RARB: variants seen among roughly 807,000 people sequenced by gnomAD.
The protein encoded by RARB is HBV-activated protein.
RARB carries 17 observed loss-of-function variants against 51.9 expected under a neutral mutation model. The observed-to-expected ratio is 0.33, with a 90% CI of 0.22 to 0.49. The LOEUF is 0.49. RARB is among the 20% of genes least tolerant of loss of function. The pLI is 0.99. For synonymous variants in RARB, 215 were observed against 195.4 expected, an observed-to-expected ratio of 1.10 and a Z score of -0.84; for missense variants, 369 against 550.8, an observed-to-expected ratio of 0.67 and a Z score of 3.30.
chr3:25,385,633 A>G (rs1177711387), intron 5 of RARB, among the ~76,000 whole-genome samples: 2 of 151,640 alleles, frequency 1.3e-5, no homozygotes, highest in Non-Finnish European at 2.9e-5. Flanking sequence ...ACCTCCTGCA[A>G]TTGCATTTAA....
intron 5 of RARB, among the ~76,000 whole-genome samples, chr3:25,328,617 A>G (rs760499405): frequency 4.6e-5 from 7 of 152,334 alleles, no homozygotes; most frequent in Non-Finnish European, 1.0e-4. Context: ...TGAGCGACAC[A>G]GAAGACAGGC....
intron 2 of RARB, among the ~76,000 whole-genome samples, chr3:25,470,128 C>G (rs973733170): frequency 2.0e-5 from 3 of 152,122 alleles, no homozygotes; most frequent in Admixed American, 6.5e-5. Context: ...ACAGCTGGGT[C>G]TCCATACCTG....
chr3:25,249,574 T>TA (rs1702653013), intron 5 of RARB, among the ~76,000 whole-genome samples: 1 of 152,140 alleles, frequency 6.6e-6, no homozygotes, highest in Admixed American at 6.5e-5. Flanking sequence ...CAATTTTTTT[T>TA]AATTTGCTTT....
intron 1 of RARB, among the ~76,000 whole-genome samples, chr3:25,457,384 T>C (rs757771753): frequency 2.0e-5 from 3 of 152,238 alleles, no homozygotes; most frequent in Non-Finnish European, 4.4e-5. Context: ...TCTGAGAATC[T>C]ATTGTACTCA....
intron 3 of RARB, among the ~76,000 whole-genome samples, chr3:25,109,634 C>G (rs902633198): frequency 1.3e-5 from 2 of 152,200 alleles, no homozygotes; most frequent in African/African-American, 4.8e-5. Context: ...CAACCACATT[C>G]ATCATTTCCA....
chr3:25,127,815 A>G (rs1587422), intron 3 of RARB, among the ~76,000 whole-genome samples: 79,014 of 151,938 alleles, frequency 0.52, 21,059 homozygotes, highest in East Asian at 0.7. Flanking sequence ...GAAATTATAT[A>G]TAGTTTAAAG....
chr3:25,577,395 A>C (rs988935914), intron 4 of RARB, among the ~76,000 whole-genome samples: 1 of 152,166 alleles, frequency 6.6e-6, no homozygotes, highest in Non-Finnish European at 1.5e-5. Context: ...TACATGCAAA[A>C]ACATACAAAA....
At chr3:24,912,415 G>A (rs1695008696) in intron 2 of RARB, among the ~76,000 whole-genome samples, 1 of 140,058 alleles carries the variant, frequency 7.1e-6, no homozygotes, top group South Asian at 2.2e-4. Context: ...CTGGTACACA[G>A]TAAAATCTCA....
intron 3 of RARB, among the ~76,000 whole-genome samples, chr3:25,549,122 T>C (rs1195712666): frequency 6.6e-6 from 1 of 152,064 alleles, no homozygotes; most frequent in Non-Finnish European, 1.5e-5. Context: ...TATCAAAACC[T>C]GGTGGCCTAA....
intron 3 of RARB, among the ~76,000 whole-genome samples, chr3:25,095,208 G>GT (rs1699272741): frequency 6.6e-6 from 1 of 152,130 alleles, no homozygotes; most frequent in Non-Finnish European, 1.5e-5. Flanking sequence ...GATTTACTTG[G>GT]TGTAGAATGA....
intron 4 of RARB, among the ~76,000 whole-genome samples, chr3:25,171,485 TAAAAAAAAA>T (rs10559921): frequency 3.0e-4 from 3 of 9,966 alleles, no homozygotes; most frequent in East Asian, 3.4e-3. Context: ...ATAAGCAGTT[TAAAAAAAAA>T]AAAAAAAAAA....
chr3:25,167,869 T>C (rs1291753093), intron 4 of RARB, among the ~76,000 whole-genome samples: 3 of 152,216 alleles, frequency 2.0e-5, no homozygotes, highest in African/African-American at 7.2e-5. Context: ...GGTTTTTTTC[T>C]TTCCACCCTA....
At chr3:25,147,614 C>T (rs1482893859) in intron 4 of RARB, among the ~76,000 whole-genome samples, 1 of 152,154 alleles carries the variant, frequency 6.6e-6, no homozygotes, top group Non-Finnish European at 1.5e-5. Context: ...TTTTCCATTT[C>T]TTGAATACGG....
intron 5 of RARB, among the ~76,000 whole-genome samples, chr3:25,353,633 A>G (rs1274739966): frequency 1.3e-5 from 2 of 151,688 alleles, no homozygotes; most frequent in African/African-American, 4.8e-5. Context: ...AATGTTGTGA[A>G]GAAATAAAGT....
At chr3:25,210,529 C>CTTTTTTTGTTTTTTTTTTTTTTTT (rs1701667312) in intron 5 of RARB, among the ~76,000 whole-genome samples, 1 of 27,618 alleles carries the variant, frequency 3.6e-5, no homozygotes, top group Non-Finnish European at 8.7e-5. Context: ...TTATCTGATT[C>CTTTTTTTGTTTTTTTTTTTTTTTT]TTTTTTTTTT....
chr3:25,572,291 A>G (rs1451877764), intron 4 of RARB, among the ~76,000 whole-genome samples: 2 of 152,190 alleles, frequency 1.3e-5, no homozygotes, highest in Non-Finnish European at 2.9e-5. Context: ...AAAAATCTTT[A>G]TTATTATCAT....
chr3:24,919,490 A>G (rs1269772556), intron 2 of RARB, among the ~76,000 whole-genome samples: 7 of 146,286 alleles, frequency 4.8e-5, no homozygotes, highest in Non-Finnish European at 1.0e-4. Context: ...GCTGTAACCA[A>G]TCCGGCTGTT....
chr3:25,410,615 C>G (rs766279853), intron 5 of RARB, among the ~76,000 whole-genome samples: 22 of 152,132 alleles, frequency 1.4e-4, no homozygotes, highest in Non-Finnish European at 2.9e-5. Context: ...GTTACAGTAA[C>G]CTAGAAAACA....
chr3:25,019,385 GA>G (rs1159845426), intron 2 of RARB, among the ~76,000 whole-genome samples: 1 of 152,214 alleles, frequency 6.6e-6, no homozygotes, highest in Non-Finnish European at 1.5e-5. Context: ...GGGTAGCATG[GA>G]GGGAGATAAG....
Sources: allele counts gnomAD v4.1 joint callset (sites outside exome capture counted in the v4.1 genomes callset), GRCh38; gene constraint gnomAD v4.1.1; transcripts MANE v1.5; gene names NCBI Gene and HGNC (gene_info 2026-07-23, HGNC 2026-07-21).